DLG2: variants seen among roughly 807,000 people sequenced by gnomAD.
The protein encoded by DLG2 is disks large homolog 2.
In DLG2, 45 loss-of-function variants were observed where a neutral mutation model predicts 132.5. The ratio of observed to expected loss-of-function variants is 0.34; its 90% CI spans 0.27 to 0.44. DLG2 has a LOEUF of 0.44. DLG2 is among the 20% of genes least tolerant of loss of function. The pLI, the probability that DLG2 is intolerant of heterozygous loss-of-function variation, is 1.00. For missense variants in DLG2, 1,045 were observed against 1,196.9 expected (o/e 0.87, Z 1.87); for synonymous variants, 424 against 419.6 (o/e 1.01, Z -0.13).
chr11:83,653,636 C>G (rs1029693810), intron 18 of DLG2, among the ~76,000 whole-genome samples: 1 of 152,158 alleles, frequency 6.6e-6, no homozygotes, highest in African/African-American at 2.4e-5. Flanking sequence ...CCATTTTCCC[C>G]AAGAAATACA....
intron 6 of DLG2, among the ~76,000 whole-genome samples, chr11:84,742,311 T>C (rs908982747): frequency 6.6e-6 from 1 of 152,272 alleles, no homozygotes; most frequent in South Asian, 2.1e-4. Flanking sequence ...ATCCCAAATA[T>C]ATTAAACCCA....
intron 6 of DLG2, among the ~76,000 whole-genome samples, chr11:84,944,027 AAAAAGC>A: frequency 6.6e-6 from 1 of 152,150 alleles, no homozygotes; most frequent in African/African-American, 2.4e-5. Context: ...ATTCTAGGAT[AAAAAGC>A]CTTGTAAATA....
chr11:84,767,546 G>A (rs1597637416), intron 6 of DLG2, among the ~76,000 whole-genome samples: 1 of 152,110 alleles, frequency 6.6e-6, no homozygotes, highest in East Asian at 1.9e-4. Context: ...GTCCTGAGCA[G>A]AGATAATAAA....
At chr11:83,775,994 A>G (rs1173764701) in intron 18 of DLG2, among the ~76,000 whole-genome samples, 2 of 152,306 alleles carry the variant, frequency 1.3e-5, no homozygotes, top group Admixed American at 1.3e-4. Flanking sequence ...CGGGAGGCTG[A>G]GGCAGGAGAA....
At chr11:84,886,651 A>T (rs73516996) in intron 6 of DLG2, among the ~76,000 whole-genome samples, 6,307 of 152,226 alleles carry the variant, frequency 0.041, 293 homozygotes, top group East Asian at 0.26. Flanking sequence ...TTAATTTGCC[A>T]AGTACTTGTC....
At chr11:83,944,746 T>A (rs2083418231) in intron 14 of DLG2, among the ~76,000 whole-genome samples, 1 of 151,858 alleles carries the variant, frequency 6.6e-6, no homozygotes, top group Admixed American at 6.6e-5. Context: ...ACTGCTAGAG[T>A]TGTAATAAAA....
intron 18 of DLG2, among the ~76,000 whole-genome samples, chr11:83,676,821 C>A (rs1304752651): frequency 6.6e-6 from 1 of 152,124 alleles, no homozygotes; most frequent in Non-Finnish European, 1.5e-5. Flanking sequence ...ACTAAGGGCC[C>A]ATTTATCCAT....
At chr11:85,527,527 CATT>C (rs2074871011) in intron 3 of DLG2, among the ~76,000 whole-genome samples, 1 of 152,124 alleles carries the variant, frequency 6.6e-6, no homozygotes, top group South Asian at 2.1e-4. Flanking sequence ...GACATGCACT[CATT>C]ATTTTTTATG....
chr11:84,905,713 T>A (rs561574690), intron 6 of DLG2, among the ~76,000 whole-genome samples: 1 of 152,308 alleles, frequency 6.6e-6, no homozygotes, highest in South Asian at 2.1e-4. Context: ...ATAATCCATT[T>A]CTTGTATTTT....
At chr11:84,523,145 A>G (rs539867526) in intron 7 of DLG2, among the ~76,000 whole-genome samples, 1 of 152,322 alleles carries the variant, frequency 6.6e-6, no homozygotes, top group East Asian at 1.9e-4. Flanking sequence ...GAGTTAACTA[A>G]TCTTAAATTT....
At chr11:83,998,953 A>G (rs1159586286) in intron 11 of DLG2, among the ~76,000 whole-genome samples, 2 of 152,186 alleles carry the variant, frequency 1.3e-5, no homozygotes, top group African/African-American at 2.4e-5. Flanking sequence ...TGGGGACTGA[A>G]GCATAAGTAA....
chr11:83,841,807 T>C (rs1030877150), intron 16 of DLG2, among the ~76,000 whole-genome samples: 7 of 152,208 alleles, frequency 4.6e-5, no homozygotes, highest in Non-Finnish European at 1.0e-4. Flanking sequence ...CAACTTCCAA[T>C]AGACAAGCAT....
At chr11:84,392,246 G>T (rs1225398786) in intron 7 of DLG2, among the ~76,000 whole-genome samples, 1 of 152,144 alleles carries the variant, frequency 6.6e-6, no homozygotes, top group African/African-American at 2.4e-5. Flanking sequence ...CCGCTAGCGT[G>T]CAGAGCCTCG....
chr11:83,608,327 T>C (rs2059630709), intron 19 of DLG2, among the ~76,000 whole-genome samples: 1 of 152,142 alleles, frequency 6.6e-6, no homozygotes, highest in Non-Finnish European at 1.5e-5. Flanking sequence ...TCTGAAATGC[T>C]TGGGGCCAGT....
chr11:84,470,330 T>C (rs1179381938), intron 7 of DLG2, among the ~76,000 whole-genome samples: 1 of 151,774 alleles, frequency 6.6e-6, no homozygotes, highest in Non-Finnish European at 1.5e-5. Context: ...TAAGTTGCTT[T>C]CATCTGCTCA....
chr11:85,431,775 G>A (rs752746292), intron 3 of DLG2, among the ~76,000 whole-genome samples: 2 of 152,210 alleles, frequency 1.3e-5, no homozygotes, highest in South Asian at 2.1e-4. Context: ...GATGAGTGGG[G>A]TCCCCCCAGC....
chr11:84,318,913 G>A (rs952576109), intron 7 of DLG2, among the ~76,000 whole-genome samples: 10 of 152,112 alleles, frequency 6.6e-5, no homozygotes, highest in Admixed American at 6.5e-5. Flanking sequence ...TTGGGTGGAA[G>A]TATAAATGGA....
At position 84,765,201 on chromosome 11, in the gene DLG2, C is replaced by T. The variant is rs1389829231; in HGVS notation, c.358-230470G>A. Among the ~76,000 whole-genome samples, 3 of 152,176 alleles carry T rather than the reference C, an allele frequency of 2.0e-5. No homozygotes were observed. In the East Asian group the frequency reaches 5.8e-4, roughly 29 times the overall value. On this transcript the variant is annotated intron_variant, in intron 6 of 27. Transcript: ENST00000376104. ...GATCCTCCATAATGCCTAGAACAGA[C>T]TGTACTTTCTACTTAAATGTGTTCA... is the stretch of plus-strand genomic sequence containing the variant.
intron 7 of DLG2, among the ~76,000 whole-genome samples, chr11:84,253,488 A>G (rs187167250): frequency 6.6e-6 from 1 of 152,320 alleles, no homozygotes; most frequent in African/African-American, 2.4e-5. Flanking sequence ...CTCTTAAGAT[A>G]GACTACTGTA....
Sources: gnomAD v4.1 joint callset for allele counts (sites outside exome capture counted in the v4.1 genomes callset) on GRCh38, gnomAD v4.1.1 for gene constraint, MANE v1.5 for transcripts, NCBI Gene and HGNC (gene_info 2026-07-23, HGNC 2026-07-21) for gene names.